ANK2: variants seen among roughly 807,000 people sequenced by gnomAD.
ANK2 encodes the protein ankyrin 2.
ANK2 carries 83 observed loss-of-function variants against 360.5 expected under a neutral mutation model. The ratio of observed to expected loss-of-function variants is 0.23; its 90% CI spans 0.19 to 0.28. ANK2 has a LOEUF of 0.28. ANK2 is among the 10% of genes least tolerant of loss of function. The pLI, the probability that ANK2 is intolerant of heterozygous loss-of-function variation, is 1.00. For synonymous variants in ANK2, 1,740 were observed against 1,759.5 expected, an observed-to-expected ratio of 0.99 and a Z score of 0.28; for missense variants, 4,201 against 4,795.7, an observed-to-expected ratio of 0.88 and a Z score of 3.66.
chr4:112,947,724 A>G (rs1394427259), intron 2 of ANK2, among the ~76,000 whole-genome samples: 1 of 152,138 alleles, frequency 6.6e-6, no homozygotes, highest in East Asian at 1.9e-4. Flanking sequence ...ACTTAAAAAT[A>G]TTTACTACAT....
intron 1 of ANK2, among the ~76,000 whole-genome samples, chr4:113,143,496 T>A (rs1449631828): frequency 6.6e-6 from 1 of 152,190 alleles, no homozygotes; most frequent in Non-Finnish European, 1.5e-5. Context: ...AGAGATAATT[T>A]TTAAGGTTTA....
At chr4:112,967,577 C>G (rs1439906434) in intron 2 of ANK2, among the ~76,000 whole-genome samples, 1 of 152,088 alleles carries the variant, frequency 6.6e-6, no homozygotes, top group African/African-American at 2.4e-5. Context: ...ATGATGTATA[C>G]TTTTCCAAAG....
chr4:113,319,588 A>G (rs1348855133), intron 26 of ANK2, among the ~76,000 whole-genome samples: 1 of 151,890 alleles, frequency 6.6e-6, no homozygotes, highest in African/African-American at 2.4e-5. Flanking sequence ...GTTCCAACAT[A>G]TTTTAGTTAA....
At chr4:113,141,512 T>A (rs1243521464) in intron 1 of ANK2, 2 of 152,140 alleles carry the variant, frequency 1.3e-5, no homozygotes, top group African/African-American at 4.8e-5. Flanking sequence ...TTTTCTTTTT[T>A]AAAAAACAGG....
At chr4:113,140,703 G>A (rs138330797) in intron 1 of ANK2, among the ~76,000 whole-genome samples, 1 of 152,090 alleles carries the variant, frequency 6.6e-6, no homozygotes, top group Non-Finnish European at 1.5e-5. Flanking sequence ...AATCGGCCGG[G>A]CCCAGTGGCT....
chr4:112,780,308 G>T, the ANK2 span, among the ~76,000 whole-genome samples: 8 of 152,120 alleles, frequency 5.3e-5, no homozygotes, highest in Non-Finnish European at 1.2e-4. Flanking sequence ...TGCCATTAAG[G>T]TCTGCAAAAC....
the ANK2 span, among the ~76,000 whole-genome samples, chr4:112,785,636 G>T: frequency 6.6e-6 from 1 of 151,510 alleles, no homozygotes; most frequent in Non-Finnish European, 1.5e-5. Flanking sequence ...CTCCCAAAGT[G>T]CTGGATTACA....
At position 112,928,229 on chromosome 4, in the gene ANK2, C is replaced by T. The variant is rs150873286; in HGVS notation, c.21+23715C>T. On this transcript the variant is annotated intron_variant, in intron 2 of 30. Coordinates refer to the ANK2 transcript ENST00000503271. Reference sequence around the variant, plus strand: ...AGTGGTTGCTTTATTTTTTTGAACTCGCTTTGAAGTAATTATACTTGCCAG... The same window carrying T: ...AGTGGTTGCTTTATTTTTTTGAACTTGCTTTGAAGTAATTATACTTGCCAG... Among the ~76,000 whole-genome samples, 54 of 152,080 alleles carry T rather than the reference C, an allele frequency of 3.6e-4. 2 individuals carry two copies. The East Asian group carries it at 0.01, about 28-fold the overall frequency.
intron 1 of ANK2, among the ~76,000 whole-genome samples, chr4:113,129,333 A>G (rs1379351685): frequency 6.6e-6 from 1 of 152,194 alleles, no homozygotes; most frequent in Non-Finnish European, 1.5e-5. Flanking sequence ...CAACTATAGA[A>G]TTCTGTAAAA....
At chr4:112,807,579 C>T in the ANK2 span, among the ~76,000 whole-genome samples, 8 of 152,304 alleles carry the variant, frequency 5.3e-5, no homozygotes, top group South Asian at 2.1e-4. Flanking sequence ...CATTAGTCCT[C>T]AGCAACATTT....
chr4:112,748,087 T>A, the ANK2 span, among the ~76,000 whole-genome samples: 1 of 152,198 alleles, frequency 6.6e-6, no homozygotes, highest in African/African-American at 2.4e-5. Context: ...AGTGATTCAA[T>A]ATCTGCAGTG....
intron 2 of ANK2, among the ~76,000 whole-genome samples, chr4:112,961,620 A>T (rs879308948): frequency 3.9e-5 from 6 of 152,124 alleles, no homozygotes; most frequent in South Asian, 2.1e-4. Context: ...ATTATGACTT[A>T]TATGAACAGA....
At chr4:113,374,629 G>A in intron 45 of ANK2, 1 of 392,488 alleles carries the variant, frequency 2.5e-6, no homozygotes, top group African/African-American at 2.1e-5. Flanking sequence ...TTCTAACTCT[G>A]CTTCCCATTG....
intron 2 of ANK2, among the ~76,000 whole-genome samples, chr4:112,908,129 G>A (rs977637210): frequency 2.0e-5 from 3 of 152,134 alleles, no homozygotes; most frequent in Non-Finnish European, 4.4e-5. Context: ...TATTGATAAG[G>A]TAGAAAAGCC....
rs2095820535 is a variant in ANK2, at chr4:113,356,926, A to G, written c.8308A>G (p.Lys2770Glu). The change falls in exon 38 of 46, where the codon AAA (lysine) becomes GAA (glutamate). Residue 2770 changes from lysine to glutamate, a missense_variant. By Grantham distance (56) the Lys-to-Glu change is moderately conservative. Around this residue, in one of 4 missense-constraint regions of ANK2, gnomAD observed 2,642 missense variants for 2,714.5 expected, o/e 0.97. Coordinates refer to ENST00000357077, the MANE Select transcript of ANK2 (RefSeq NM_001148.6). ...GCTAAACAGAGACACTGATCAGCCA[A>G]AAATCTGTGATGGCCATGGATGTGA... Reference protein sequence around the residue: ...DKLNRDTDQPKICDGHGCEAM... With the variant: ...DKLNRDTDQPEICDGHGCEAM... 2 of 1,614,114 alleles carry G rather than the reference A, an allele frequency of 1.2e-6. No individual in the cohort carries two copies. Among genetic ancestry groups the G allele is most frequent in the South Asian group, 1.1e-5 (1 of 91,088 alleles).
At chr4:112,997,990 G>A (rs368756529) in intron 2 of ANK2, among the ~76,000 whole-genome samples, 60 of 151,190 alleles carry the variant, frequency 4.0e-4, no homozygotes, top group African/African-American at 1.2e-3. Context: ...ACATAAGCAC[G>A]TGGAAAATTG....
At chr4:113,377,507 C>T (rs933152181) in intron 45 of ANK2, among the ~76,000 whole-genome samples, 2 of 152,122 alleles carry the variant, frequency 1.3e-5, no homozygotes, top group Non-Finnish European at 2.9e-5. Flanking sequence ...CATCTGGTCC[C>T]AAAGTTTTGA....
At chr4:112,899,314 A>T (rs1484709121) in intron 1 of ANK2, among the ~76,000 whole-genome samples, 1 of 152,226 alleles carries the variant, frequency 6.6e-6, no homozygotes, top group Non-Finnish European at 1.5e-5. Flanking sequence ...CTGATTGCTT[A>T]AATTTGTGTA....
At chr4:113,113,093 A>T (rs2094458380) in intron 1 of ANK2, among the ~76,000 whole-genome samples, 1 of 152,200 alleles carries the variant, frequency 6.6e-6, no homozygotes, top group South Asian at 2.1e-4. Context: ...CAAAAAACAG[A>T]GGAAGCCTCA....
Sources: gnomAD v4.1 joint callset for allele counts (sites outside exome capture counted in the v4.1 genomes callset) on GRCh38, gnomAD v4.1.1 for gene constraint, gnomAD v4.1.1 regional missense constraint, MANE v1.5 for transcripts, NCBI Gene and HGNC (gene_info 2026-07-23, HGNC 2026-07-21) for gene names.